NFIC: variants seen among roughly 807,000 people sequenced by gnomAD.
NFIC encodes nuclear factor 1 C-type.
A neutral mutation model predicts 54.4 loss-of-function variants in NFIC; 12 were observed. That is an observed-to-expected ratio of 0.22 (90% confidence interval 0.14 to 0.36). The LOEUF is 0.36. Ranked by LOEUF, NFIC falls within the 10% of genes least tolerant of loss-of-function variation. The pLI is 1.00. For missense variants in NFIC, 575 were observed against 718.2 expected (o/e 0.80, Z 2.28); for synonymous variants, 322 against 319.2 (o/e 1.01, Z -0.09).
Position 3,375,466 on chromosome 19 carries a change from A to G in NFIC, c.31-6246A>G, listed in dbSNP as rs577040462. 3.3e-5 allele frequency among the ~76,000 whole-genome samples: 5 copies of G among 151,920 alleles called. No homozygotes were observed. The South Asian group carries it at 1.0e-3, about 32-fold the overall frequency. ...TGTGACCCTGGACAAACCACTCCCC[A>G]TCTCTGGGTCTCATCCAGTCAGGGG... On this transcript the variant is annotated intron_variant, in intron 1 of 10. Coordinates refer to ENST00000443272, the MANE Select transcript of NFIC (RefSeq NM_001245002.2). This position sits in a 1 kb window ranked among gnomAD's most constrained non-coding sequence, Gnocchi z 4.6.
chr19:3,417,367 G>A (rs542619843), intron 2 of NFIC, among the ~76,000 whole-genome samples: 1 of 152,232 alleles, frequency 6.6e-6, no homozygotes, highest in East Asian at 1.9e-4. Context: ...TGCGCACTGG[G>A]CCTTGGTTGA....
At chr19:3,462,685 G>C in intron 10 of NFIC, 67 bp from the exon 11 acceptor site, 1 of 1,556,976 alleles carries the variant, frequency 6.4e-7, no homozygotes, top group Non-Finnish European at 8.8e-7. Context: ...GTCTGCAGCA[G>C]AGTCTGACCC....
chr19:3,371,515 GAAT>G (rs2081010433), intron 1 of NFIC: 1 of 151,874 alleles, frequency 6.6e-6, no homozygotes, highest in Admixed American at 6.6e-5. Context: ...ATGAATGAAT[GAAT>G]GTTTTTGGTT....
intron 6 of NFIC, among the ~76,000 whole-genome samples, chr19:3,440,337 G>A (rs1599695507): frequency 6.6e-6 from 1 of 152,068 alleles, no homozygotes. Context: ...AATGTCTCTT[G>A]CGGGCAGAAT....
chr19:3,413,525 G>A lies in NFIC; in HGVS notation c.563-11581G>A, dbSNP rs568547789. ...TCAGTTTCCCCAGCTGGCGATTACC[G>A]TCCCCCATATGGGGACGGTAATCAC... On this transcript the variant is annotated intron_variant, in intron 2 of 10. Transcript: ENST00000443272. 5.9e-5 allele frequency among the ~76,000 whole-genome samples: 9 copies of A among 152,112 alleles called. No homozygotes were observed. In the East Asian group the frequency reaches 9.7e-4, roughly 16 times the overall value.
chr19:3,377,796 A>C (rs1171180295), intron 1 of NFIC, among the ~76,000 whole-genome samples: 1 of 151,784 alleles, frequency 6.6e-6, no homozygotes, highest in Non-Finnish European at 1.5e-5. Flanking sequence ...TATTTTTGTA[A>C]TTTTTAGTAG....
intron 1 of NFIC, among the ~76,000 whole-genome samples, chr19:3,377,545 G>A (rs1200735199): frequency 6.6e-6 from 1 of 152,000 alleles, no homozygotes; most frequent in Non-Finnish European, 1.5e-5. Flanking sequence ...TTCTCTTCTT[G>A]TTCCTTGTAT....
At chr19:3,373,241 G>C (rs2081053009) in intron 1 of NFIC, among the ~76,000 whole-genome samples, 1 of 152,202 alleles carries the variant, frequency 6.6e-6, no homozygotes, top group South Asian at 2.1e-4. Flanking sequence ...TGGCCCCTCT[G>C]GCTCAGCCCT....
At position 3,463,445 on chromosome 19, in the gene NFIC, C is replaced by A; in HGVS notation, c.*676C>A. 1 of 985,452 alleles carries A rather than the reference C, an allele frequency of 1.0e-6. No homozygotes were observed. Among genetic ancestry groups the A allele is most frequent in the Non-Finnish European group, 1.2e-6 (1 of 830,022 alleles). 61.0% of individuals were successfully genotyped at this position (985,452 alleles called of 1,614,324 possible). On this transcript the variant is annotated 3_prime_UTR_variant, in exon 11 of 11. Coordinates refer to ENST00000443272, the MANE Select transcript of NFIC (RefSeq NM_001245002.2). ...GGTGCGTGGCGCTTGCGAGCCCTGGCCAGGGGAGGAAGTGAGGCCCAGGCA... is the reference window on the plus strand; with the variant it reads ...GGTGCGTGGCGCTTGCGAGCCCTGGACAGGGGAGGAAGTGAGGCCCAGGCA...
Position 3,452,452 on chromosome 19 carries a change from A to T in NFIC, c.1085-30A>T, listed in dbSNP as rs761470621. ...CAGAGCAGACCGGCTGGAGCCCCCA[A>T]GTAACCCCCGCTTCCCACTGTCTCC... is the stretch of plus-strand genomic sequence containing the variant. On this transcript the variant is annotated intron_variant, in intron 7 of 10. Transcript: ENST00000443272. This position sits in a 1 kb window ranked among gnomAD's most constrained non-coding sequence, Gnocchi z 5.3. 1 of 1,606,990 alleles carries T rather than the reference A, an allele frequency of 6.2e-7. No individual in the cohort carries two copies. Among genetic ancestry groups the T allele is most frequent in the Non-Finnish European group, 8.5e-7 (1 of 1,179,082 alleles).
intron 2 of NFIC, among the ~76,000 whole-genome samples, chr19:3,388,498 G>A (rs1480022599): frequency 6.6e-6 from 1 of 152,154 alleles, no homozygotes; most frequent in East Asian, 1.9e-4. Context: ...CTCAGGGGCA[G>A]AGCCGGAATG....
At chr19:3,450,513 G>A (rs921245126) in intron 7 of NFIC, among the ~76,000 whole-genome samples, 40 of 151,680 alleles carry the variant, frequency 2.6e-4, no homozygotes, top group African/African-American at 7.3e-4. Context: ...AAATTAGCTC[G>A]GTGTGGTGAT....
At chr19:3,396,534 C>A (rs1412853526) in intron 2 of NFIC, among the ~76,000 whole-genome samples, 3 of 152,114 alleles carry the variant, frequency 2.0e-5, no homozygotes, top group Admixed American at 1.3e-4. Context: ...CGGGCACACC[C>A]TCACTGGGTC....
intron 2 of NFIC, among the ~76,000 whole-genome samples, chr19:3,411,442 C>T (rs1264673739): frequency 1.3e-5 from 2 of 150,680 alleles, no homozygotes; most frequent in Admixed American, 6.7e-5. Flanking sequence ...ATTCTCCTTC[C>T]TCAGCCTACC....
chr19:3,464,666 A>T lies in NFIC; in HGVS notation c.*1897A>T, dbSNP rs911645175. ...CTAGCCTCACCCCCCTGCCCCCGAA[A>T]ACCAGACTCTCCTCCCAAACTAGCC... On this transcript the variant is annotated 3_prime_UTR_variant, in exon 11 of 11. Coordinates refer to ENST00000443272, the MANE Select transcript of NFIC (RefSeq NM_001245002.2). 1.0e-6 allele frequency: 1 copy of T among 983,600 alleles called. No individual in the cohort carries two copies. Among genetic ancestry groups the T allele is most frequent in the South Asian group, 4.7e-5 (1 of 21,176 alleles). The allele number at this position is 983,600 out of a possible 1,614,324, so 60.9% of individuals were successfully genotyped here.
intron 6 of NFIC, among the ~76,000 whole-genome samples, chr19:3,437,865 G>C (rs1007087683): frequency 1.3e-5 from 2 of 151,996 alleles, no homozygotes. Flanking sequence ...TTTTAGTAGA[G>C]ACGGTTTTTA....
chr19:3,361,388 G>C (rs1026474435), intron 1 of NFIC, among the ~76,000 whole-genome samples: 1 of 152,130 alleles, frequency 6.6e-6, no homozygotes, highest in Admixed American at 6.5e-5. Flanking sequence ...TAGGGGCACC[G>C]GGACTGGTCC....
intron 10 of NFIC, among the ~76,000 whole-genome samples, chr19:3,462,153 AGGT>A (rs1253567357): frequency 6.6e-6 from 1 of 151,876 alleles, no homozygotes; most frequent in Non-Finnish European, 1.5e-5. Context: ...AGGCCGAGGA[AGGT>A]GGATCACTTG....
chr19:3,452,715 C>A lies in NFIC; in HGVS notation c.1269+49C>A. ...GGCCTCTCCTGGCGGCTCCAGGTGACCTCCCGGGGGCCACGTGCTCACACG... is the reference window on the plus strand; with the variant it reads ...GGCCTCTCCTGGCGGCTCCAGGTGAACTCCCGGGGGCCACGTGCTCACACG... On this transcript the variant is annotated intron_variant, in intron 8 of 10. Transcript: ENST00000443272. This position sits in a 1 kb window ranked among gnomAD's most constrained non-coding sequence, Gnocchi z 5.3. 6.5e-7 allele frequency: 1 copy of A among 1,539,762 alleles called. No individual in the cohort carries two copies. Among genetic ancestry groups the A allele is most frequent in the Non-Finnish European group, 8.7e-7 (1 of 1,147,198 alleles).
Sources: gnomAD v4.1 joint callset for allele counts (sites outside exome capture counted in the v4.1 genomes callset) on GRCh38, gnomAD v4.1.1 for gene constraint, Gnocchi (gnomAD v3.1) non-coding constraint, MANE v1.5 for transcripts, NCBI Gene and HGNC (gene_info 2026-07-23, HGNC 2026-07-21) for gene names.